Variants in LIN52 observed in about 807,000 individuals in gnomAD.
LIN52 encodes the protein protein lin-52 homolog.
In LIN52, 4 loss-of-function variants were observed where a neutral mutation model predicts 18.5. The observed-to-expected ratio is 0.22, with a 90% CI of 0.11 to 0.49. The LOEUF (loss-of-function observed/expected upper bound fraction) is 0.49. Among genes scored for constraint, LIN52 ranks in the 20% least tolerant of loss-of-function variants. The pLI is 0.97. For missense variants in LIN52, 102 were observed against 139.5 expected, an observed-to-expected ratio of 0.73 and a Z score of 1.35; for synonymous variants, 34 against 45.5, an observed-to-expected ratio of 0.75 and a Z score of 1.02.
At chr14:74,168,019 C>A (rs932461129) in intron 5 of LIN52, among the ~76,000 whole-genome samples, 4 of 152,168 alleles carry the variant, frequency 2.6e-5, no homozygotes, top group Admixed American at 1.3e-4. Flanking sequence ...AAGAACTTTC[C>A]AAATGTCCAA....
intron 5 of LIN52, among the ~76,000 whole-genome samples, chr14:74,159,751 T>C (rs964864838): frequency 2.6e-5 from 4 of 152,128 alleles, no homozygotes; most frequent in African/African-American, 9.7e-5. Flanking sequence ...TTTGTATTTT[T>C]AGTAGAGACG....
chr14:74,136,162 C>CTGTA (rs1374117268), intron 5 of LIN52, among the ~76,000 whole-genome samples: 1 of 152,210 alleles, frequency 6.6e-6, no homozygotes, highest in East Asian at 1.9e-4. Context: ...TGTGCTAGTG[C>CTGTA]TGTAACTCCT....
intron 5 of LIN52, among the ~76,000 whole-genome samples, chr14:74,140,904 C>A (rs1383301070): frequency 6.6e-6 from 1 of 151,978 alleles, no homozygotes; most frequent in Non-Finnish European, 1.5e-5. Context: ...TATTTTTTTT[C>A]TGTTTTGTAA....
At chr14:74,174,924 T>C (rs2061285909) in intron 5 of LIN52, among the ~76,000 whole-genome samples, 1 of 151,738 alleles carries the variant, frequency 6.6e-6, no homozygotes, top group African/African-American at 2.4e-5. Flanking sequence ...GGAGGATCAC[T>C]TAAGCCCTCA....
chr14:74,130,157 T>C (rs924016820), intron 5 of LIN52, among the ~76,000 whole-genome samples: 1 of 151,534 alleles, frequency 6.6e-6, no homozygotes, highest in African/African-American at 2.4e-5. Flanking sequence ...TTATGGGAGC[T>C]ACAGGATGAG....
intron 5 of LIN52, among the ~76,000 whole-genome samples, chr14:74,164,297 G>A (rs12882530): frequency 1.3e-5 from 2 of 149,498 alleles, no homozygotes; most frequent in African/African-American, 2.5e-5. Flanking sequence ...GTTTTTTTTT[G>A]CTTTTGAGAC....
chr14:74,191,704 A>G (rs2078877605), intron 5 of LIN52, among the ~76,000 whole-genome samples: 1 of 148,318 alleles, frequency 6.7e-6, no homozygotes. Context: ...TGCAATCTCG[A>G]CTCACTGCAA....
intron 5 of LIN52, among the ~76,000 whole-genome samples, chr14:74,163,133 G>A (rs1483720028): frequency 1.3e-5 from 2 of 152,182 alleles, no homozygotes; most frequent in Non-Finnish European, 2.9e-5. Flanking sequence ...CAGGCTTGGA[G>A]TACAGTGGTA....
At chr14:74,145,979 A>G (rs1222602405) in intron 5 of LIN52, among the ~76,000 whole-genome samples, 1 of 152,218 alleles carries the variant, frequency 6.6e-6, no homozygotes. Context: ...TATGACGTGA[A>G]ATAGTCAAGT....
At chr14:74,164,024 C>G (rs1274699030) in intron 5 of LIN52, among the ~76,000 whole-genome samples, 1 of 151,868 alleles carries the variant, frequency 6.6e-6, no homozygotes, top group African/African-American at 2.4e-5. Context: ...TGCTGTCGAC[C>G]AGGCTGGAGT....
chr14:74,096,108 TGGA>T, intron 3 of LIN52, 123 bp downstream of exon 3: 1 of 595,766 alleles, frequency 1.7e-6, no homozygotes, highest in East Asian at 3.3e-5. Flanking sequence ...TCGCCCAGGC[TGGA>T]GTGCAGTGGT....
intron 5 of LIN52, among the ~76,000 whole-genome samples, chr14:74,111,118 C>T (rs1193207976): frequency 6.6e-6 from 1 of 152,200 alleles, no homozygotes; most frequent in Non-Finnish European, 1.5e-5. Flanking sequence ...GCAGAAGTTT[C>T]CACAGCACTA....
At chr14:74,170,023 G>A (rs2061264044) in intron 5 of LIN52, among the ~76,000 whole-genome samples, 1 of 152,194 alleles carries the variant, frequency 6.6e-6, no homozygotes, top group African/African-American at 2.4e-5. Context: ...CAGCAGTACT[G>A]GAATACGAAA....
At chr14:74,150,598 A>G (rs933050982) in intron 5 of LIN52, among the ~76,000 whole-genome samples, 1 of 152,168 alleles carries the variant, frequency 6.6e-6, no homozygotes, top group African/African-American at 2.4e-5. Context: ...ATGTACCTAT[A>G]TGTGGTTGTT....
intron 5 of LIN52, among the ~76,000 whole-genome samples, chr14:74,196,454 C>G (rs1302055214): frequency 1.3e-5 from 2 of 152,138 alleles, no homozygotes; most frequent in African/African-American, 2.4e-5. Flanking sequence ...GAACAAGGCT[C>G]TATTCTCTCC....
chr14:74,196,710 T>C (rs2078914422), intron 5 of LIN52, among the ~76,000 whole-genome samples: 1 of 152,320 alleles, frequency 6.6e-6, no homozygotes, highest in South Asian at 2.1e-4. Context: ...CATTCATTCA[T>C]TCATTCACTC....
At chr14:74,191,886 C>T (rs1315162349) in intron 5 of LIN52, among the ~76,000 whole-genome samples, 4 of 152,140 alleles carry the variant, frequency 2.6e-5, no homozygotes, top group East Asian at 1.9e-4. Flanking sequence ...CTGCCCACCT[C>T]GGCCTTCCAA....
At chr14:74,089,676 G>GT (rs946897530) in intron 1 of LIN52, among the ~76,000 whole-genome samples, 7 of 152,042 alleles carry the variant, frequency 4.6e-5, no homozygotes, top group Admixed American at 6.6e-5. Flanking sequence ...GCCTTAAGCA[G>GT]TTTTTTTATA....
chr14:74,097,808 T>C lies in LIN52; in HGVS notation c.147T>C (p.Ser49=). The change falls in exon 4 of 6, where the codon TCT becomes TCC. Residue 49 remains serine, a synonymous_variant. Transcript: ENST00000555028. ...TTTTTTGACAGCCTATTACTAGTTC[T>C]CCACCCAAATGGATGGCTGAGATAG... The part of the protein sequence containing the change: ...AASFKSPITS[S]PPKWMAEIER... The C allele has an allele frequency of 6.2e-7, 1 of 1,611,776 alleles. No homozygotes were observed. Among genetic ancestry groups the C allele is most frequent in the Non-Finnish European group, 8.5e-7 (1 of 1,177,864 alleles).
Sources: allele counts gnomAD v4.1 joint callset (sites outside exome capture counted in the v4.1 genomes callset), GRCh38; gene constraint gnomAD v4.1.1; transcripts MANE v1.5; gene names NCBI Gene and HGNC (gene_info 2026-07-23, HGNC 2026-07-21).